The following ASIC2 variants were observed in gnomAD, a reference collection of about 807,000 sequenced individuals.
ASIC2 encodes the protein acid sensing ion channel subunit 2.
Under a neutral mutation model 57.3 loss-of-function variants are expected in ASIC2, and 25 were observed. That is an observed-to-expected ratio of 0.44 (90% CI 0.32 to 0.61). ASIC2 has a LOEUF of 0.61. Among genes scored for constraint, ASIC2 ranks in the 20% least tolerant of loss-of-function variants. ASIC2 has a pLI of 0.06. For synonymous variants in ASIC2, 319 were observed against 307.5 expected (o/e 1.04, Z -0.39); for missense variants, 641 against 738.1 (o/e 0.87, Z 1.52).
chr17:33,944,868 C>A (rs559458099), intron 1 of ASIC2, among the ~76,000 whole-genome samples: 172 of 152,260 alleles, frequency 1.1e-3, no homozygotes, highest in African/African-American at 3.8e-3. Context: ...TCCACCAATG[C>A]GTAAAATGGA....
At chr17:33,773,042 C>G (rs1220224156) in intron 1 of ASIC2, among the ~76,000 whole-genome samples, 2 of 152,148 alleles carry the variant, frequency 1.3e-5, no homozygotes, top group Admixed American at 6.5e-5. Context: ...AGGGTACACA[C>G]AAGTCACATA....
chr17:33,740,259 C>T lies in ASIC2; in HGVS notation c.555+415719G>A, dbSNP rs372352172. ...GTACAGCAAGGGCTATGTATTAGTG[C>T]GTTCTCACACTGCTATAAAGGACTG... On this transcript the variant is annotated intron_variant, in intron 1 of 9. Coordinates refer to the ASIC2 transcript ENST00000359872. Among the ~76,000 whole-genome samples the T allele has an allele frequency of 1.4e-4, 22 of 152,292 alleles. No individual in the cohort carries two copies. In the East Asian group the frequency reaches 3.7e-3, roughly 25 times the overall value.
chr17:33,143,902 A>G (rs1039561723), intron 1 of ASIC2, among the ~76,000 whole-genome samples: 1 of 152,222 alleles, frequency 6.6e-6, no homozygotes, highest in Non-Finnish European at 1.5e-5. Flanking sequence ...AGAAATGTCC[A>G]ACAATAGGAG....
At chr17:33,578,303 G>A (rs1375604566) in intron 1 of ASIC2, among the ~76,000 whole-genome samples, 1 of 152,156 alleles carries the variant, frequency 6.6e-6, no homozygotes, top group Non-Finnish European at 1.5e-5. Context: ...CTGTGGTTTA[G>A]AAGTTTCTAA....
At chr17:33,051,480 T>C (rs564133119) in intron 3 of ASIC2, among the ~76,000 whole-genome samples, 1 of 152,290 alleles carries the variant, frequency 6.6e-6, no homozygotes, top group East Asian at 1.9e-4. Flanking sequence ...TGTCATTTCC[T>C]GGAAGCTTTA....
At chr17:33,714,992 T>TTATTATTAC (rs1909170053) in intron 1 of ASIC2, among the ~76,000 whole-genome samples, 1 of 148,240 alleles carries the variant, frequency 6.7e-6, no homozygotes, top group African/African-American at 2.5e-5. Flanking sequence ...TAATTTATTA[T>TTATTATTAC]TATTATTATT....
chr17:33,507,511 C>T (rs1050159459), intron 1 of ASIC2, among the ~76,000 whole-genome samples: 1 of 152,174 alleles, frequency 6.6e-6, no homozygotes, highest in African/African-American at 2.4e-5. Flanking sequence ...CTGTAAAAGG[C>T]CAGAGAGTAA....
At chr17:33,247,253 C>T (rs145050502) in intron 1 of ASIC2, among the ~76,000 whole-genome samples, 42 of 152,208 alleles carry the variant, frequency 2.8e-4, no homozygotes, top group African/African-American at 7.2e-4. Context: ...GTCAAATAAC[C>T]GCAAAGGCAG....
chr17:33,667,925 C>A (rs1177570801), intron 1 of ASIC2, among the ~76,000 whole-genome samples: 1 of 152,160 alleles, frequency 6.6e-6, no homozygotes. Flanking sequence ...ACCTCGTGAC[C>A]ATTATCGGAT....
At chr17:33,335,145 G>A (rs1051956622) in intron 1 of ASIC2, among the ~76,000 whole-genome samples, 4 of 152,128 alleles carry the variant, frequency 2.6e-5, no homozygotes, top group African/African-American at 9.7e-5. Flanking sequence ...AGAAATGCAA[G>A]CAGTTAGGAT....
At chr17:33,270,276 C>G (rs936334488) in intron 1 of ASIC2, among the ~76,000 whole-genome samples, 1 of 152,178 alleles carries the variant, frequency 6.6e-6, no homozygotes, top group African/African-American at 2.4e-5. Context: ...TGATAAGCCT[C>G]CATACTGATT....
chr17:33,624,124 T>C (rs917625581), intron 1 of ASIC2: 1 of 152,238 alleles, frequency 6.6e-6, no homozygotes, highest in Non-Finnish European at 1.5e-5. Context: ...CACCATGACA[T>C]TTTGTGCTGC....
At chr17:33,593,033 A>G (rs1012991100) in intron 1 of ASIC2, among the ~76,000 whole-genome samples, 1 of 152,180 alleles carries the variant, frequency 6.6e-6, no homozygotes, top group Non-Finnish European at 1.5e-5. Context: ...GTGTATGTCT[A>G]TTTTTACCTG....
At chr17:33,629,387 A>G (rs993962485) in intron 1 of ASIC2, among the ~76,000 whole-genome samples, 3 of 152,212 alleles carry the variant, frequency 2.0e-5, no homozygotes, top group African/African-American at 4.8e-5. Flanking sequence ...TTTTTAATCA[A>G]TTCCCAGATC....
chr17:33,846,764 G>A (rs369336800), intron 1 of ASIC2, among the ~76,000 whole-genome samples: 13 of 148,446 alleles, frequency 8.8e-5, no homozygotes, highest in South Asian at 4.3e-4. Context: ...TTGCTCTGTC[G>A]CCCAGGCTGG....
At chr17:33,461,234 T>A (rs1912623989) in intron 1 of ASIC2, among the ~76,000 whole-genome samples, 1 of 152,216 alleles carries the variant, frequency 6.6e-6, no homozygotes, top group Admixed American at 6.5e-5. Flanking sequence ...CACTTAACAT[T>A]CCTTTACGTT....
At chr17:33,119,220 C>T (rs1022481962) in intron 1 of ASIC2, among the ~76,000 whole-genome samples, 2 of 152,184 alleles carry the variant, frequency 1.3e-5, no homozygotes, top group Non-Finnish European at 2.9e-5. Flanking sequence ...GGTTTCTCAT[C>T]TCTTCTTGCT....
rs766462071 is a variant in ASIC2, at chr17:33,023,896, A to G, written c.1314T>C (p.Leu438=). Residue 438 remains leucine, a synonymous_variant, in exon 6 of 10, where the codon CTT becomes CTC. Transcript: ENST00000225823. ...KIPSKTSAKY[L]EKKFNKSEKY... ...TTTCTGATTTGTTAAATTTCTTCTCAAGGTACTTGGCTGATGTCTTGCTGG... is the reference window on the plus strand; with the variant it reads ...TTTCTGATTTGTTAAATTTCTTCTCGAGGTACTTGGCTGATGTCTTGCTGG... The G allele has an allele frequency of 1.9e-5, 31 of 1,614,084 alleles. No individual in the cohort carries two copies. Among genetic ancestry groups the G allele is most frequent in the African/African-American group, 2.7e-5 (2 of 74,912 alleles).
At chr17:33,188,836 C>A (rs1453772696) in intron 1 of ASIC2, among the ~76,000 whole-genome samples, 1 of 151,630 alleles carries the variant, frequency 6.6e-6, no homozygotes, top group Non-Finnish European at 1.5e-5. Flanking sequence ...TAAAATGATA[C>A]CAGATGGAAG....
Sources: allele counts gnomAD v4.1 joint callset (sites outside exome capture counted in the v4.1 genomes callset), GRCh38; gene constraint gnomAD v4.1.1; transcripts MANE v1.5; gene names NCBI Gene and HGNC (gene_info 2026-07-23, HGNC 2026-07-21).